CIB3: variants seen among roughly 807,000 people sequenced by gnomAD.
CIB3 encodes the protein calcium and integrin binding family member 3, also known as calcium and integrin-binding family member 3.
Under a neutral mutation model 23.4 loss-of-function variants are expected in CIB3, and 22 were observed. The ratio of observed to expected loss-of-function variants is 0.94; its 90% CI spans 0.67 to 1.34. The LOEUF (loss-of-function observed/expected upper bound fraction) is 1.34. CIB3 is among the 40% of genes most tolerant of loss of function. The pLI is 0.00. For synonymous variants in CIB3, 93 were observed against 95.8 expected, an observed-to-expected ratio of 0.97 and a Z score of 0.17; for missense variants, 258 against 247.3, an observed-to-expected ratio of 1.04 and a Z score of -0.29.
chr19:16,164,358 C>T (rs530121543), intron 5 of CIB3, among the ~76,000 whole-genome samples: 2 of 152,330 alleles, frequency 1.3e-5, no homozygotes, highest in Admixed American at 1.3e-4. Flanking sequence ...CAAAACCAGG[C>T]TTTGGGTCAG....
intron 2 of CIB3, 97 bp downstream of exon 2, chr19:16,173,041 TACACACACACACACACACACACAC>T: frequency 6.4e-6 from 5 of 782,782 alleles, no homozygotes; most frequent in Non-Finnish European, 1.0e-5. Flanking sequence ...AAAGACTACT[TACACACACACACACACACACACAC>T]ACACACACAC....
At chr19:16,173,110 T>G in intron 2 of CIB3, 52 bp downstream of exon 2, 1 of 1,599,542 alleles carries the variant, frequency 6.3e-7, no homozygotes, top group Non-Finnish European at 8.5e-7. Context: ...CCTCCAGCAA[T>G]GAATAGAAAG....
At chr19:16,162,017 G>A (rs183146810) in intron 5 of CIB3, among the ~76,000 whole-genome samples, 1 of 151,908 alleles carries the variant, frequency 6.6e-6, no homozygotes, top group East Asian at 1.9e-4. Flanking sequence ...GCTAGAAGAA[G>A]GATACTGAAT....
intron 5 of CIB3, among the ~76,000 whole-genome samples, chr19:16,164,106 G>T (rs989114821): frequency 1.3e-5 from 2 of 152,062 alleles, no homozygotes; most frequent in Non-Finnish European, 2.9e-5. Flanking sequence ...AAGTAGCTGG[G>T]ACTACAGGCA....
Position 16,169,653 on chromosome 19 carries a change from T to C in CIB3, c.175A>G (p.Ile59Val). The C allele has an allele frequency of 6.2e-7, 1 of 1,613,662 alleles. No homozygotes were observed. The highest frequency in any genetic ancestry group is 8.5e-7 in the Non-Finnish European group (1 of 1,179,724). ...CPDVKVPYEL[I>V]GSMPELKDNP... The stretch of plus-strand genomic sequence containing the variant: ...ACCTTCAGCTCGGGCATGCTGCCAA[T>C]GAGCTCGTAGGGCACCTTCACATCG... Residue 59 changes from isoleucine to valine, a missense_variant, in exon 3 of 6, where the codon ATT becomes GTT. By Grantham distance (29) the Ile-to-Val change is conservative. Coordinates refer to ENST00000269878, the MANE Select transcript of CIB3 (RefSeq NM_054113.4).
chr19:16,173,094 A>G, intron 2 of CIB3, 68 bp downstream of exon 2: 1 of 1,590,124 alleles, frequency 6.3e-7, no homozygotes. Context: ...ACCAAATTGC[A>G]AATATCCTCC....
intron 2 of CIB3, among the ~76,000 whole-genome samples, chr19:16,170,696 C>T (rs2091324136): frequency 6.6e-6 from 1 of 151,948 alleles, no homozygotes; most frequent in South Asian, 2.1e-4. Context: ...GTGACGGGCA[C>T]CTGTAATCCC....
intron 5 of CIB3, among the ~76,000 whole-genome samples, chr19:16,162,886 C>CTTTTTT (rs373689760): frequency 5.2e-4 from 53 of 102,444 alleles, no homozygotes; most frequent in African/African-American, 6.8e-4. Flanking sequence ...CTTTTCTTTT[C>CTTTTTT]TTTTTTTTTT....
At chr19:16,170,704 C>G (rs1001394981) in intron 2 of CIB3, among the ~76,000 whole-genome samples, 3 of 151,996 alleles carry the variant, frequency 2.0e-5, no homozygotes, top group Admixed American at 6.6e-5. Flanking sequence ...CACCTGTAAT[C>G]CCAACTACTC....
rs147698786 is a variant in CIB3, at chr19:16,173,230, T to G, written c.52-34A>C. On this transcript the variant is annotated intron_variant, in intron 1 of 5. Coordinates refer to ENST00000269878, the MANE Select transcript of CIB3 (RefSeq NM_054113.4). ...AGAGGTGTTGTCTTAACCCGAACCC[T>G]GCCTCTGGGGCCTCCTCCCACGGCC... 3.8e-4 allele frequency: 621 copies of G among 1,613,962 alleles called. 4 individuals are homozygous for G. In the African/African-American group the frequency reaches 7.5e-3, roughly 20 times the overall value.
At chr19:16,172,437 G>A (rs2091332399) in intron 2 of CIB3, among the ~76,000 whole-genome samples, 1 of 152,052 alleles carries the variant, frequency 6.6e-6, no homozygotes, top group Non-Finnish European at 1.5e-5. Context: ...TTACAGGCAT[G>A]AGCCACCGCG....
At chr19:16,161,602 G>T in intron 5 of CIB3, 116 bp from the exon 6 acceptor site, 1 of 1,093,012 alleles carries the variant, frequency 9.1e-7, no homozygotes, top group Non-Finnish European at 1.4e-6. Flanking sequence ...ATGCCACATG[G>T]ACCCCTCAAA....
chr19:16,164,849 C>G lies in CIB3; in HGVS notation c.411G>C (p.Arg137=). 1.9e-6 allele frequency: 3 copies of G among 1,614,106 alleles called. No homozygotes were observed. Among genetic ancestry groups the G allele is most frequent in the Non-Finnish European group, 2.5e-6 (3 of 1,180,024 alleles). ...DLEQTVTKLT[R]GGLSAEEVSL... ...TCACCTCCTCGGCACTCAGCCCCCC[C>G]CGCGTCAGTTTGGTCACCGTCTGCT... The change falls in exon 5 of 6, where the codon CGG becomes CGC. Residue 137 remains arginine (R), a synonymous_variant. Coordinates refer to ENST00000269878, the MANE Select transcript of CIB3 (RefSeq NM_054113.4).
Position 16,161,443 on chromosome 19 carries a change from G to A in CIB3, c.*22C>T. The A allele has an allele frequency of 6.2e-7, 1 of 1,613,804 alleles. No homozygotes were observed. Among genetic ancestry groups the A allele is most frequent in the Non-Finnish European group, 8.5e-7 (1 of 1,179,738 alleles). On this transcript the variant is annotated 3_prime_UTR_variant, in exon 6 of 6. Coordinates refer to ENST00000269878, the MANE Select transcript of CIB3 (RefSeq NM_054113.4). ...TGAGGGGTCACCCCGCCCTCCTATA[G>A]CTCGGCTCCTCTGTGGTGCCATCAG...
chr19:16,164,919 G>C lies in CIB3; in HGVS notation c.347-6C>G, dbSNP rs1422641562. 1 of 1,613,524 alleles carries C rather than the reference G, an allele frequency of 6.2e-7. No individual in the cohort carries two copies. Among genetic ancestry groups the C allele is most frequent in the Admixed American group, 1.7e-5 (1 of 59,982 alleles). On this transcript the variant is annotated splice_region_variant and splice_polypyrimidine_tract_variant and intron_variant, in intron 4 of 5. Transcript: ENST00000269878. Reference sequence around the variant, plus strand: ...GTAGTCGTCGTTGTTAAAATCTGCAGAGCAGGATGGATGGGGAGTGACAGC... The same window carrying C: ...GTAGTCGTCGTTGTTAAAATCTGCACAGCAGGATGGATGGGGAGTGACAGC...
At chr19:16,173,041 TACACACACACACACAC>T (rs3076227) in intron 2 of CIB3, 105 bp downstream of exon 2, 9,052 of 783,722 alleles carry the variant, frequency 0.012, 45 homozygotes, top group Non-Finnish European at 0.013. Context: ...AAAGACTACT[TACACACACACACACAC>T]ACACACACAC....
intron 3 of CIB3, among the ~76,000 whole-genome samples, chr19:16,169,414 G>C (rs1464807734): frequency 2.0e-5 from 3 of 152,118 alleles, no homozygotes; most frequent in Non-Finnish European, 4.4e-5. Context: ...AAAGTGCTGG[G>C]ATTACAGGCT....
Position 16,169,755 on chromosome 19 carries a change from G to C in CIB3, c.87-14C>G. On this transcript the variant is annotated splice_polypyrimidine_tract_variant and intron_variant, in intron 2 of 5. Coordinates refer to ENST00000269878, the MANE Select transcript of CIB3 (RefSeq NM_054113.4). ...CGATAGAAGAGCCTGATGTGGGGAGGAAAAAGCTGGGAAAGACTGGGAGCA... is the reference window on the plus strand; with the variant it reads ...CGATAGAAGAGCCTGATGTGGGGAGCAAAAAGCTGGGAAAGACTGGGAGCA... 6.3e-7 allele frequency: 1 copy of C among 1,584,880 alleles called. No individual in the cohort carries two copies.
At chr19:16,171,910 G>T (rs2091329790) in intron 2 of CIB3, among the ~76,000 whole-genome samples, 1 of 152,232 alleles carries the variant, frequency 6.6e-6, no homozygotes, top group Non-Finnish European at 1.5e-5. Context: ...GCTGAACCCT[G>T]GCCAGCTTGG....
Sources: gnomAD v4.1 joint callset for allele counts (sites outside exome capture counted in the v4.1 genomes callset) on GRCh38, gnomAD v4.1.1 for gene constraint, MANE v1.5 for transcripts, NCBI Gene and HGNC (gene_info 2026-07-23, HGNC 2026-07-21) for gene names.